Variants in LINGO3 observed in about 807,000 individuals in gnomAD.
LINGO3 encodes leucine-rich repeat and immunoglobulin-like domain-containing nogo receptor-interacting protein 3.
For missense variants in LINGO3, 750 were observed against 867.7 expected, an observed-to-expected ratio of 0.86 and a Z score of 1.70; for synonymous variants, 427 against 444.2, an observed-to-expected ratio of 0.96 and a Z score of 0.49.
the LINGO3 span, among the ~76,000 whole-genome samples, chr19:2,297,894 G>A: frequency 6.6e-6 from 1 of 150,738 alleles, no homozygotes; most frequent in African/African-American, 2.4e-5. Flanking sequence ...GTGAGCCACC[G>A]CGCCTGGCCT....
chr19:2,301,347 C>T, the LINGO3 span, among the ~76,000 whole-genome samples: 1 of 151,904 alleles, frequency 6.6e-6, no homozygotes, highest in Non-Finnish European at 1.5e-5. Context: ...GTCTTGGGCA[C>T]TGCCGGGTGC....
At chr19:2,302,705 C>CA in the LINGO3 span, among the ~76,000 whole-genome samples, 1 of 152,264 alleles carries the variant, frequency 6.6e-6, no homozygotes, top group Admixed American at 6.5e-5. Context: ...GGAGGGAGGA[C>CA]TCGTGTTTCA....
chr19:2,303,694 C>T, the LINGO3 span, among the ~76,000 whole-genome samples: 1 of 152,240 alleles, frequency 6.6e-6, no homozygotes, highest in Admixed American at 6.5e-5. Context: ...CCCTGCCTCA[C>T]CCAAACCTGG....
the LINGO3 span, among the ~76,000 whole-genome samples, chr19:2,308,142 A>AGCCGCTGCCGCC: frequency 7.2e-6 from 1 of 139,692 alleles, no homozygotes; most frequent in Non-Finnish European, 1.6e-5. Context: ...CGACACGAGC[A>AGCCGCTGCCGCC]GCCGCCGCCG....
Position 2,290,885 on chromosome 19 carries a change from C to G in LINGO3, c.892G>C (p.Glu298Gln). 1 of 1,611,046 alleles carries G rather than the reference C, an allele frequency of 6.2e-7. No individual in the cohort carries two copies. The highest frequency in any genetic ancestry group is 8.5e-7 in the Non-Finnish European group (1 of 1,179,028). Residue 298 changes from glutamate to glutamine, a missense_variant, in exon 1 of 1, where the codon GAG becomes CAG. By Grantham distance (29) the Glu-to-Gln change is conservative. Coordinates refer to ENST00000585527, the Ensembl canonical transcript of LINGO3. The surrounding 1 kb of genome is among the most constrained non-coding windows in gnomAD (Gnocchi z 6.0). ...AGCAGGGCCCCGGCCAGGTGCAGCTCGCGCAGGCGGACCAGGTCCCGGAAC... is the reference window on the plus strand; with the variant it reads ...AGCAGGGCCCCGGCCAGGTGCAGCTGGCGCAGGCGGACCAGGTCCCGGAAC...
At chr19:2,303,931 G>A in the LINGO3 span, among the ~76,000 whole-genome samples, 3,691 of 152,306 alleles carry the variant, frequency 0.024, 59 homozygotes, top group Non-Finnish European at 0.039. Flanking sequence ...CAGAGACATC[G>A]AAGTCTCTGA....
upstream of LINGO3, among the ~76,000 whole-genome samples, chr19:2,295,649 T>A (rs113579314): frequency 4.5e-3 from 683 of 151,944 alleles, 5 homozygotes; most frequent in African/African-American, 0.016. Flanking sequence ...GGGAGGAGAA[T>A]CGCTTGAACC....
chr19:2,298,925 C>T, the LINGO3 span, among the ~76,000 whole-genome samples: 5 of 152,108 alleles, frequency 3.3e-5, no homozygotes, highest in African/African-American at 4.8e-5. Context: ...GGTCTGGAAT[C>T]GCTAGGTCAC....
the LINGO3 span, among the ~76,000 whole-genome samples, chr19:2,307,409 C>T: frequency 6.6e-6 from 1 of 152,196 alleles, no homozygotes. Flanking sequence ...GTGCTGCTCC[C>T]CTAAACTTGT....
chr19:2,302,896 T>G, the LINGO3 span, among the ~76,000 whole-genome samples: 1 of 152,258 alleles, frequency 6.6e-6, no homozygotes, highest in Admixed American at 6.5e-5. Flanking sequence ...ACCCCAGGAC[T>G]CTCCTCCTCT....
chr19:2,297,047 A>C, the LINGO3 span, among the ~76,000 whole-genome samples: 4 of 151,364 alleles, frequency 2.6e-5, no homozygotes, highest in East Asian at 4.1e-4. Flanking sequence ...AGCTGAGATC[A>C]CGCCACTGCA....
chr19:2,292,898 G>A (rs763888074), upstream of LINGO3, among the ~76,000 whole-genome samples: 1 of 152,116 alleles, frequency 6.6e-6, no homozygotes, highest in African/African-American at 2.4e-5. Context: ...GCTGGAATGT[G>A]CCCCAAGGAA....
chr19:2,298,490 C>T, the LINGO3 span, among the ~76,000 whole-genome samples: 6 of 150,852 alleles, frequency 4.0e-5, no homozygotes, highest in Non-Finnish European at 7.4e-5. Context: ...CCTTGGCCTC[C>T]GAAGGTGCCG....
At chr19:2,305,650 G>A in the LINGO3 span, among the ~76,000 whole-genome samples, 1 of 152,172 alleles carries the variant, frequency 6.6e-6, no homozygotes, top group Non-Finnish European at 1.5e-5. Flanking sequence ...CCTCCTAGAG[G>A]CCGGCCAAAC....
chr19:2,306,058 C>T, the LINGO3 span, among the ~76,000 whole-genome samples: 3 of 152,256 alleles, frequency 2.0e-5, no homozygotes, highest in Non-Finnish European at 1.5e-5. Flanking sequence ...CACGGGGGGC[C>T]GTGGACTGCC....
chr19:2,299,341 C>T, the LINGO3 span, among the ~76,000 whole-genome samples: 2 of 152,186 alleles, frequency 1.3e-5, no homozygotes, highest in African/African-American at 4.8e-5. Context: ...ATGGGAGACT[C>T]GATTCTGTGT....
At chr19:2,294,280 G>T (rs8112989), upstream of LINGO3, among the ~76,000 whole-genome samples, 42,363 of 151,956 alleles carry the variant, frequency 0.28, 9,367 homozygotes, top group African/African-American at 0.58. This position sits in a 1 kb window ranked among gnomAD's most constrained non-coding sequence, Gnocchi z 4.3. Context: ...AGAGGCTAGG[G>T]TGACACAGCC....
the LINGO3 span, among the ~76,000 whole-genome samples, chr19:2,298,411 T>C: frequency 6.6e-6 from 1 of 151,804 alleles, no homozygotes; most frequent in African/African-American, 2.4e-5. Context: ...TTTCATTTTT[T>C]TGTAGAGATA....
the LINGO3 span, among the ~76,000 whole-genome samples, chr19:2,303,451 AG>A: frequency 6.7e-6 from 1 of 149,728 alleles, no homozygotes; most frequent in Non-Finnish European, 1.5e-5. Flanking sequence ...CGGGGTCAGC[AG>A]GGTACAGCTA....
Sources: gnomAD v4.1 joint callset for allele counts (sites outside exome capture counted in the v4.1 genomes callset) on GRCh38, gnomAD v4.1.1 for gene constraint, Gnocchi (gnomAD v3.1) non-coding constraint, MANE v1.5 for transcripts, NCBI Gene and HGNC (gene_info 2026-07-23, HGNC 2026-07-21) for gene names.